Variants in CASP9 observed in about 807,000 individuals in gnomAD.
CASP9 encodes the protein caspase-9.
Under a neutral mutation model 43.5 loss-of-function variants are expected in CASP9, and 29 were observed. The ratio of observed to expected loss-of-function variants is 0.67; its 90% CI spans 0.50 to 0.91. The LOEUF (loss-of-function observed/expected upper bound fraction) is 0.91, where lower values mean the gene tolerates loss of function less well. Ranked by LOEUF, CASP9 falls within the 40% of genes least tolerant of loss-of-function variation. CASP9 has a pLI of 0.00. For synonymous variants in CASP9, 206 were observed against 211.9 expected, an observed-to-expected ratio of 0.97 and a Z score of 0.24; for missense variants, 575 against 537.4, an observed-to-expected ratio of 1.07 and a Z score of -0.69.
intron 6 of CASP9, among the ~76,000 whole-genome samples, chr1:15,501,838 C>T (rs1222279353): frequency 1.3e-5 from 2 of 152,050 alleles, no homozygotes; most frequent in Non-Finnish European, 2.9e-5. Context: ...ATAGTGTAAA[C>T]ATGGCTCACT....
upstream of CASP9, chr1:15,524,761 G>A: frequency 2.0e-6 from 2 of 995,380 alleles, no homozygotes; most frequent in Non-Finnish European, 2.4e-6. Flanking sequence ...ACCTGCCACC[G>A]CGTCACCGCC....
chr1:15,500,025 G>A (rs1005310175), intron 6 of CASP9, among the ~76,000 whole-genome samples: 2 of 152,142 alleles, frequency 1.3e-5, no homozygotes, highest in Non-Finnish European at 2.9e-5. Context: ...GAGGTCTTCC[G>A]GGATGAGGTC....
At chr1:15,523,989 G>A in intron 1 of CASP9, 80 bp downstream of exon 1, 1 of 1,108,728 alleles carries the variant, frequency 9.0e-7, no homozygotes, top group Non-Finnish European at 1.2e-6. Flanking sequence ...CACAGGGAAG[G>A]CTAGGCTCCC....
In CASP9 at chr1:15,492,898, G is replaced by A. The variant is rs1235801616; in HGVS notation, c.*45C>T. On this transcript the variant is annotated 3_prime_UTR_variant, in exon 9 of 9. Coordinates refer to ENST00000333868, the MANE Select transcript of CASP9 (RefSeq NM_001229.5). ...TCAGCCTCTTTCAGGCCTGGGGCAGGAAAGCTTTGGGGTGCAAGATAAGGC... is the reference window on the plus strand; with the variant it reads ...TCAGCCTCTTTCAGGCCTGGGGCAGAAAAGCTTTGGGGTGCAAGATAAGGC... 1.4e-5 allele frequency: 23 copies of A among 1,608,002 alleles called. No homozygotes were observed. Among genetic ancestry groups the A allele is most frequent in the Non-Finnish European group, 1.8e-5 (21 of 1,179,052 alleles).
chr1:15,495,010 AGATGC>A (rs1043697153), intron 7 of CASP9, among the ~76,000 whole-genome samples: 1 of 152,090 alleles, frequency 6.6e-6, no homozygotes, highest in African/African-American at 2.4e-5. Flanking sequence ...CCCCTGCTAA[AGATGC>A]GAAGGCAGAG....
rs1035462760 is a variant in CASP9 at position 15,493,268 on chromosome 1, G to A, written c.1159-233C>T. 1.8e-5 allele frequency: 25 copies of A among 1,387,150 alleles called. No homozygotes were observed. In the African/African-American group the frequency reaches 3.6e-4, roughly 20 times the overall value. 85.9% of individuals were successfully genotyped at this position (1,387,150 alleles called of 1,614,324 possible). On this transcript the variant is annotated intron_variant, in intron 8 of 8. Coordinates refer to ENST00000333868, the MANE Select transcript of CASP9 (RefSeq NM_001229.5). ...TCAAATCAGACTGAAATATTTGCAA[G>A]GAGCCAGGAGTGGCCCCAGCCTCGC...
intron 6 of CASP9, among the ~76,000 whole-genome samples, chr1:15,502,093 C>T (rs566994465): frequency 3.3e-5 from 5 of 152,278 alleles, no homozygotes; most frequent in South Asian, 2.1e-4. Flanking sequence ...CCACATGAGA[C>T]GCAACCAGAC....
chr1:15,511,244 T>C (rs1434798007), intron 2 of CASP9, among the ~76,000 whole-genome samples: 2 of 152,190 alleles, frequency 1.3e-5, no homozygotes, highest in Admixed American at 1.3e-4. Flanking sequence ...ATAACCTAGA[T>C]ACCTTTTTGT....
At chr1:15,520,242 T>C (rs891057051) in intron 1 of CASP9, among the ~76,000 whole-genome samples, 2 of 152,216 alleles carry the variant, frequency 1.3e-5, no homozygotes, top group African/African-American at 4.8e-5. Flanking sequence ...ATATATCACA[T>C]GACCATTAAG....
chr1:15,515,241 C>A (rs1053507984), intron 2 of CASP9, among the ~76,000 whole-genome samples: 5 of 152,198 alleles, frequency 3.3e-5, no homozygotes, highest in African/African-American at 1.2e-4. Flanking sequence ...GCCTCCTTTA[C>A]AGGATGGTAA....
intron 6 of CASP9, among the ~76,000 whole-genome samples, chr1:15,497,764 C>T (rs1709166485): frequency 6.6e-6 from 1 of 152,062 alleles, no homozygotes; most frequent in Non-Finnish European, 1.5e-5. Flanking sequence ...CTATCAAAAC[C>T]CCAATGATGT....
At chr1:15,493,091 G>T (rs1708952610) in intron 8 of CASP9, 56 bp from the exon 9 acceptor site, 2 of 1,606,888 alleles carry the variant, frequency 1.2e-6, no homozygotes, top group African/African-American at 2.7e-5. Context: ...ACTGAAGGAA[G>T]AATTCAAGAG....
chr1:15,517,325 A>G (rs1709989741), intron 2 of CASP9, among the ~76,000 whole-genome samples: 1 of 152,182 alleles, frequency 6.6e-6, no homozygotes, highest in South Asian at 2.1e-4. Context: ...CAGGCTCAAG[A>G]GCATATAAGA....
At chr1:15,506,809 G>T in intron 4 of CASP9, 90 bp downstream of exon 4, 1 of 1,127,786 alleles carries the variant, frequency 8.9e-7, no homozygotes, top group Non-Finnish European at 1.3e-6. Flanking sequence ...GGGCTCGCCT[G>T]GGGAGTCAGC....
Position 15,492,874 on chromosome 1 carries a change from C to T in CASP9, c.*69G>A, listed in dbSNP as rs1451014721. 30 of 1,594,876 alleles carry T rather than the reference C, an allele frequency of 1.9e-5. No individual in the cohort carries two copies. Among genetic ancestry groups the T allele is most frequent in the East Asian group, 2.2e-5 (1 of 44,852 alleles). ...TTGAGTTGCAGGAAAGTCCAGGCCT[C>T]AGCCTCTTTCAGGCCTGGGGCAGGA... On this transcript the variant is annotated 3_prime_UTR_variant, in exon 9 of 9. Coordinates refer to ENST00000333868, the MANE Select transcript of CASP9 (RefSeq NM_001229.5).
rs1193869742 is a variant in CASP9 at position 15,498,486 on chromosome 1, TTTATG to T, written c.869-3039_869-3035del. 3.4e-5 allele frequency among the ~76,000 whole-genome samples: 5 copies of T among 148,726 alleles called. No individual in the cohort carries two copies. The South Asian group carries it at 1.1e-3, about 32-fold the overall frequency. On this transcript the variant is annotated intron_variant, in intron 6 of 8. Coordinates refer to ENST00000333868, the MANE Select transcript of CASP9 (RefSeq NM_001229.5). ...CAAAAAAATGGTTAAGATAGTAAAT[TTTATG>T]TTATATGTATTTTGCCACAATTTTT...
intron 8 of CASP9, chr1:15,493,561 G>A: frequency 2.8e-6 from 4 of 1,417,138 alleles, no homozygotes; most frequent in South Asian, 1.6e-5. Flanking sequence ...TATAGGGAGG[G>A]GCCCATGACC....
At chr1:15,504,485 T>C in intron 6 of CASP9, 126 bp downstream of exon 6, 4 of 921,852 alleles carry the variant, frequency 4.3e-6, no homozygotes, top group South Asian at 3.5e-5. Flanking sequence ...AAAGGGACCA[T>C]GTGTGGTACC....
At chr1:15,497,901 A>G (rs570658781) in intron 6 of CASP9, among the ~76,000 whole-genome samples, 22 of 152,326 alleles carry the variant, frequency 1.4e-4, no homozygotes, top group African/African-American at 5.1e-4. Flanking sequence ...AAAACTTACT[A>G]CAAAGCTACA....
Sources: gnomAD v4.1 joint callset for allele counts (sites outside exome capture counted in the v4.1 genomes callset) on GRCh38, gnomAD v4.1.1 for gene constraint, MANE v1.5 for transcripts, NCBI Gene and HGNC (gene_info 2026-07-23, HGNC 2026-07-21) for gene names.